The following PRKDC variants were observed in gnomAD, a reference collection of about 807,000 sequenced individuals.
The protein encoded by PRKDC is DNA-dependent protein kinase catalytic subunit.
In PRKDC, 82 loss-of-function variants were observed where a neutral mutation model predicts 486.9. That is an observed-to-expected ratio of 0.17 (90% CI 0.14 to 0.20). The LOEUF is 0.20. PRKDC is among the 10% of genes least tolerant of loss of function. The pLI, the probability that PRKDC is intolerant of heterozygous loss-of-function variation, is 1.00. For missense variants in PRKDC, 4,504 were observed against 5,038.2 expected, an observed-to-expected ratio of 0.89 and a Z score of 3.21; for synonymous variants, 1,895 against 1,837.0, an observed-to-expected ratio of 1.03 and a Z score of -0.81.
intron 73 of PRKDC, among the ~76,000 whole-genome samples, chr8:47,795,975 A>G (rs1448284366): frequency 6.7e-6 from 1 of 150,136 alleles, no homozygotes; most frequent in Non-Finnish European, 1.5e-5. Context: ...GCTCACTGCA[A>G]CCTCCGCCTC....
chr8:47,871,266 TA>T (rs1011703254), intron 40 of PRKDC, among the ~76,000 whole-genome samples: 1 of 152,066 alleles, frequency 6.6e-6, no homozygotes, highest in African/African-American at 2.4e-5. Context: ...TTAACCCAAA[TA>T]AAACTACCTC....
At chr8:47,781,129 T>C (rs2086691979) in intron 80 of PRKDC, among the ~76,000 whole-genome samples, 2 of 152,176 alleles carry the variant, frequency 1.3e-5, no homozygotes, top group African/African-American at 4.8e-5. Flanking sequence ...ATCCCACAAA[T>C]GCAGGCAGGT....
rs1296457995 is a variant in PRKDC, at chr8:47,798,246, C to A, written c.10449G>T (p.Met3483Ile). Reference protein sequence around the residue: ...ERYPEETLSLMTKEISSVPCW... With the variant: ...ERYPEETLSLITKEISSVPCW... ...GAATAAAGACACCAACCTCTTTTGT[C>A]ATGAGGCTCAAAGTCTCCTCTGGAT... is the stretch of plus-strand genomic sequence containing the variant. The change falls in exon 73 of 86, where the codon ATG (methionine) becomes ATT (isoleucine). Residue 3483 changes from methionine to isoleucine, a missense_variant. Transcript: ENST00000314191. The A allele has an allele frequency of 6.2e-7, 1 of 1,611,816 alleles. No homozygotes were observed. Among genetic ancestry groups the A allele is most frequent in the South Asian group, 1.1e-5 (1 of 90,314 alleles).
chr8:47,842,777 T>A (rs146719169), intron 54 of PRKDC, among the ~76,000 whole-genome samples: 134 of 152,280 alleles, frequency 8.8e-4, no homozygotes, highest in Middle Eastern at 3.4e-3. Context: ...AGAATCCGGA[T>A]GGCGAGAAAG....
At chr8:47,957,924 C>T (rs1417763858) in intron 1 of PRKDC, among the ~76,000 whole-genome samples, 3 of 152,154 alleles carry the variant, frequency 2.0e-5, no homozygotes, top group Non-Finnish European at 4.4e-5. Flanking sequence ...GGATGCAGTA[C>T]GCAAAATAAT....
At chr8:47,895,646 C>T (rs542557720) in intron 30 of PRKDC, among the ~76,000 whole-genome samples, 9 of 152,250 alleles carry the variant, frequency 5.9e-5, no homozygotes, top group African/African-American at 2.2e-4. Context: ...CAGCCCTTCC[C>T]CAGCCACTGG....
intron 13 of PRKDC, 74 bp from the exon 14 acceptor site, chr8:47,935,132 A>C: frequency 1.9e-6 from 2 of 1,069,152 alleles, no homozygotes; most frequent in Non-Finnish European, 2.7e-6. Context: ...AAAAAAACAA[A>C]CAGTCATTAT....
intron 54 of PRKDC, among the ~76,000 whole-genome samples, chr8:47,847,893 A>ATATATG (rs942057611): frequency 5.3e-5 from 8 of 151,374 alleles, no homozygotes; most frequent in African/African-American, 1.9e-4. Flanking sequence ...ATATATATAT[A>ATATATG]TATAAAAGTC....
intron 21 of PRKDC, 109 bp from the exon 22 acceptor site, chr8:47,918,492 T>A: frequency 1.5e-6 from 1 of 648,238 alleles, no homozygotes; most frequent in East Asian, 3.2e-5. Context: ...AATCCTAAAT[T>A]ATGATTTAAA....
At chr8:47,909,985 G>A (rs146841356) in intron 25 of PRKDC, among the ~76,000 whole-genome samples, 7 of 152,220 alleles carry the variant, frequency 4.6e-5, no homozygotes, top group Admixed American at 1.3e-4. Flanking sequence ...TCTGAAGCAC[G>A]TGATCTTTGT....
At chr8:47,837,106 G>C (rs577308973) in intron 57 of PRKDC, 106 bp downstream of exon 57, 1 of 1,214,468 alleles carries the variant, frequency 8.2e-7, no homozygotes, top group East Asian at 2.5e-5. Context: ...TTTCAGAAAG[G>C]AATGTGTATT....
chr8:47,899,323 A>G (rs1014025314), intron 28 of PRKDC, among the ~76,000 whole-genome samples: 6 of 152,244 alleles, frequency 3.9e-5, no homozygotes, highest in African/African-American at 1.2e-4. Context: ...AACATGAAGG[A>G]TAACAGAGCT....
intron 21 of PRKDC, among the ~76,000 whole-genome samples, chr8:47,920,280 T>C (rs2090051475): frequency 1.3e-5 from 2 of 152,324 alleles, no homozygotes; most frequent in South Asian, 4.1e-4. Context: ...AGGGACTCCA[T>C]GACCGAGCTG....
chr8:47,900,228 C>T (rs1459219828), intron 28 of PRKDC, 145 bp downstream of exon 28: 8 of 470,272 alleles, frequency 1.7e-5, no homozygotes, highest in Admixed American at 4.3e-5. Context: ...GTTTGAGGCA[C>T]TGAAGGGGAT....
intron 56 of PRKDC, among the ~76,000 whole-genome samples, chr8:47,837,735 CA>C (rs141365923): frequency 0.017 from 2,482 of 141,882 alleles, 24 homozygotes; most frequent in Non-Finnish European, 0.029. Flanking sequence ...CTATTTGAAA[CA>C]AAAAAAAAAA....
At position 47,933,035 on chromosome 8, in the gene PRKDC, A is replaced by T. The variant is rs369015612; in HGVS notation, c.1761T>A (p.Thr587=). ...AATTTCTAACCTCTTGTTCCCCAAC[A>T]GTCTGTATTTCAAGTGTAAGATCCA... The part of the protein sequence containing the change: ...EKLDLTLEIQ[T]VGEQENGDEA... Residue 587 remains threonine, a synonymous_variant, in exon 16 of 86, where the codon ACT becomes ACA. Coordinates refer to ENST00000314191, the MANE Select transcript of PRKDC (RefSeq NM_006904.7). The T allele has an allele frequency of 2.5e-6, 4 of 1,595,316 alleles. No individual in the cohort carries two copies. In the African/African-American group the frequency reaches 5.4e-5, roughly 21 times the overall value.
chr8:47,957,058 C>A, intron 3 of PRKDC, 113 bp downstream of exon 3: 2 of 663,820 alleles, frequency 3.0e-6, no homozygotes, highest in Non-Finnish European at 4.8e-6. Flanking sequence ...AGCAAATTCC[C>A]CAATGAGAAA....
chr8:47,814,044 G>A (rs943465034), intron 68 of PRKDC, among the ~76,000 whole-genome samples: 3 of 152,126 alleles, frequency 2.0e-5, no homozygotes, highest in African/African-American at 7.2e-5. Flanking sequence ...ACCGTATTGG[G>A]TTTACCCTAA....
chr8:47,886,733 G>A (rs1395540256), intron 35 of PRKDC, among the ~76,000 whole-genome samples: 1 of 152,126 alleles, frequency 6.6e-6, no homozygotes, highest in African/African-American at 2.4e-5. Context: ...TGTTGCCCAG[G>A]CTGGAGTGCA....
Sources: gnomAD v4.1 joint callset for allele counts (sites outside exome capture counted in the v4.1 genomes callset) on GRCh38, gnomAD v4.1.1 for gene constraint, MANE v1.5 for transcripts, NCBI Gene and HGNC (gene_info 2026-07-23, HGNC 2026-07-21) for gene names.